Variants in IRAK3 observed in about 807,000 individuals in gnomAD.
The protein encoded by IRAK3 is interleukin-1 receptor-associated kinase 3.
A neutral mutation model predicts 56.6 loss-of-function variants in IRAK3; 57 were observed. That is an observed-to-expected ratio of 1.01 (90% CI 0.81 to 1.26). The LOEUF is 1.26. IRAK3 is among the 50% of genes most tolerant of loss of function. The probability of loss-of-function intolerance (pLI) is 0.00; values close to 1 mark genes in which losing one functional copy is unlikely to be tolerated. For synonymous variants in IRAK3, 258 were observed against 255.7 expected, an observed-to-expected ratio of 1.01 and a Z score of -0.09; for missense variants, 703 against 719.0, an observed-to-expected ratio of 0.98 and a Z score of 0.25.
rs1298465513 is a variant in IRAK3 at position 66,240,676 on chromosome 12, G to T, written c.888-3810G>T. On this transcript the variant is annotated intron_variant, in intron 8 of 11. Transcript: ENST00000261233. ...CAGGCTGTCCCAGAGGGGCCGTTGG[G>T]TCCTCTTTATCTCTGGAGCCAATCT... 2.6e-5 allele frequency among the ~76,000 whole-genome samples: 4 copies of T among 152,052 alleles called. No individual in the cohort carries two copies. In the East Asian group the frequency reaches 7.8e-4, roughly 29 times the overall value.
Position 66,228,582 on chromosome 12 carries a change from G to T in IRAK3, c.887+212G>T, listed in dbSNP as rs1393087907. Among the ~76,000 whole-genome samples the T allele has an allele frequency of 5.9e-5, 9 of 152,134 alleles. 1 individual carries two copies. The highest frequency in any genetic ancestry group is 5.9e-4 in the Admixed American group (9 of 15,276). On this transcript the variant is annotated intron_variant, in intron 8 of 11. Transcript: ENST00000261233. ...CTATATGTATGTTGCCAAAAAGAGA[G>T]TTTACATTATCTTTGGTAATTATTA...
chr12:66,233,510 TCC>T (rs1319652761), intron 8 of IRAK3, among the ~76,000 whole-genome samples: 1 of 114,310 alleles, frequency 8.7e-6, no homozygotes. Context: ...AGAGCGAGAC[TCC>T]GTCTCGGAAA....
intron 1 of IRAK3, chr12:66,197,668 A>G: frequency 1.0e-6 from 1 of 985,388 alleles, no homozygotes; most frequent in South Asian, 4.7e-5. Flanking sequence ...CTGCTATTAG[A>G]AAAAATGCCT....
chr12:66,226,702 T>TAA, intron 6 of IRAK3, 21 bp from the exon 7 acceptor site: 1 of 1,420,200 alleles, frequency 7.0e-7, no homozygotes, highest in Non-Finnish European at 1.0e-6. Flanking sequence ...TTGATGGCTT[T>TAA]AAAACATCTT....
intron 6 of IRAK3, among the ~76,000 whole-genome samples, chr12:66,221,053 TC>T (rs1279436306): frequency 6.6e-6 from 1 of 152,208 alleles, no homozygotes; most frequent in African/African-American, 2.4e-5. Flanking sequence ...TTCATCAGTG[TC>T]CTATAGTTGT....
intron 8 of IRAK3, 70 bp downstream of exon 8, chr12:66,228,440 C>A: frequency 1.0e-6 from 1 of 995,296 alleles, no homozygotes; most frequent in Non-Finnish European, 1.6e-6. Flanking sequence ...TCATACTTCA[C>A]ACTATTCTCT....
chr12:66,242,336 G>T (rs1413913712), intron 8 of IRAK3, among the ~76,000 whole-genome samples: 1 of 152,166 alleles, frequency 6.6e-6, no homozygotes, highest in Non-Finnish European at 1.5e-5. Context: ...CCTCAGACTT[G>T]ATCTGATCCA....
chr12:66,234,932 G>A, intron 8 of IRAK3: 2 of 1,614,176 alleles, frequency 1.2e-6, no homozygotes, highest in Admixed American at 1.7e-5. Flanking sequence ...CTTCAGGGCA[G>A]ACACAGCTTT....
intron 6 of IRAK3, among the ~76,000 whole-genome samples, chr12:66,222,560 A>C (rs2052745061): frequency 6.6e-6 from 1 of 152,070 alleles, no homozygotes; most frequent in Non-Finnish European, 1.5e-5. Context: ...AGGCCTCTCA[A>C]AAAAACAAGT....
chr12:66,250,480 C>G lies in IRAK3; in HGVS notation c.*2309C>G, dbSNP rs556021794. 1 of 152,348 alleles carries G rather than the reference C, an allele frequency of 6.6e-6. No homozygotes were observed. Among genetic ancestry groups the G allele is most frequent in the African/African-American group, 2.4e-5 (1 of 41,588 alleles). 9.4% of individuals were successfully genotyped at this position (152,348 alleles called of 1,614,324 possible). ...GATTAAAACCACAGTAAGTCTTAGTCTGACTGACAGGCTTTATACAGGCCC... is the reference window on the plus strand; with the variant it reads ...GATTAAAACCACAGTAAGTCTTAGTGTGACTGACAGGCTTTATACAGGCCC... On this transcript the variant is annotated 3_prime_UTR_variant, in exon 12 of 12. Transcript: ENST00000261233.
At chr12:66,205,746 T>G (rs2052552456) in intron 2 of IRAK3, among the ~76,000 whole-genome samples, 1 of 152,218 alleles carries the variant, frequency 6.6e-6, no homozygotes, top group Non-Finnish European at 1.5e-5. Flanking sequence ...TGATTTTATT[T>G]TAGAAGAATT....
intron 6 of IRAK3, among the ~76,000 whole-genome samples, chr12:66,222,123 T>C (rs1414900856): frequency 6.6e-6 from 1 of 152,242 alleles, no homozygotes; most frequent in Admixed American, 6.5e-5. Context: ...TCATGGATAT[T>C]GGCATATAAC....
At position 66,252,909 on chromosome 12, in the gene IRAK3, A is replaced by ACTGATGG. The variant is rs2136959515; in HGVS notation, c.*4740_*4746dup. On this transcript the variant is annotated 3_prime_UTR_variant, in exon 12 of 12. Coordinates refer to ENST00000261233, the MANE Select transcript of IRAK3 (RefSeq NM_007199.3). ...GTTTCTTTGGGGCATTTGTTTGGAT[A>ACTGATGG]CTGATGGCATCTTCCGGGGGTCTGA... 6.6e-6 allele frequency: 1 copy of ACTGATGG among 152,306 alleles called. No homozygotes were observed. Among genetic ancestry groups the ACTGATGG allele is most frequent in the African/African-American group, 2.4e-5 (1 of 41,560 alleles). The allele number at this position is 152,306 out of a possible 1,614,324, so 9.4% of individuals were successfully genotyped here.
At chr12:66,196,915 AT>A (rs1353626658) in intron 1 of IRAK3, 1 of 1,534,642 alleles carries the variant, frequency 6.5e-7, no homozygotes, top group Non-Finnish European at 8.7e-7. Flanking sequence ...TGGAGTCTTA[AT>A]TTTGCAGGGG....
At chr12:66,189,453 CG>C in intron 1 of IRAK3, 21 bp downstream of exon 1, 3 of 1,142,720 alleles carry the variant, frequency 2.6e-6, no homozygotes, top group East Asian at 8.6e-5. Context: ...GGGGACCGGC[CG>C]GGGGCGGCGG....
chr12:66,238,714 C>G (rs1490920492), intron 8 of IRAK3, among the ~76,000 whole-genome samples: 1 of 152,186 alleles, frequency 6.6e-6, no homozygotes, highest in African/African-American at 2.4e-5. Context: ...CTGTCAAAGA[C>G]ACAGCTCAGA....
chr12:66,200,733 G>T (rs1456761792), intron 1 of IRAK3, among the ~76,000 whole-genome samples: 1 of 152,094 alleles, frequency 6.6e-6, no homozygotes, highest in Non-Finnish European at 1.5e-5. Context: ...TTGCCTTTCT[G>T]CTGGCTTGAT....
rs763220626 is a variant in IRAK3 at position 66,244,518 on chromosome 12, C to T, written c.920C>T (p.Pro307Leu). 8 of 1,613,862 alleles carry T rather than the reference C, an allele frequency of 5.0e-6. No individual in the cohort carries two copies. In the Admixed American group the frequency reaches 1.3e-4, roughly 27 times the overall value. ...ATCCTTTTGGATGATCAGTTTCAAC[C>T]CAAACTAACTGATTTTGCCATGGCA... ...ANILLDDQFQ[P>L]KLTDFAMAHF... Residue 307 changes from proline to leucine, a missense_variant, in exon 9 of 12, where the codon CCC (proline) becomes CTC (leucine). Physicochemically the swap from Pro to Leu is moderately conservative, Grantham distance 98 (BLOSUM62 -3). Coordinates refer to ENST00000261233, the MANE Select transcript of IRAK3 (RefSeq NM_007199.3).
rs1390653582 is a variant in IRAK3 at position 66,252,914 on chromosome 12, T to C, written c.*4743T>C. ...TTTGGGGCATTTGTTTGGATACTGA[T>C]GGCATCTTCCGGGGGTCTGAGGCAC... is the stretch of plus-strand genomic sequence containing the variant. On this transcript the variant is annotated 3_prime_UTR_variant, in exon 12 of 12. Transcript: ENST00000261233. 6.6e-6 allele frequency: 1 copy of C among 152,240 alleles called. No individual in the cohort carries two copies. Among genetic ancestry groups the C allele is most frequent in the Non-Finnish European group, 1.5e-5 (1 of 68,058 alleles). The allele number at this position is 152,240 out of a possible 1,614,324, so 9.4% of individuals were successfully genotyped here.
Sources: gnomAD v4.1 joint callset for allele counts (sites outside exome capture counted in the v4.1 genomes callset) on GRCh38, gnomAD v4.1.1 for gene constraint, MANE v1.5 for transcripts, NCBI Gene and HGNC (gene_info 2026-07-23, HGNC 2026-07-21) for gene names.